The following TENM4 variants were observed in gnomAD, a reference collection of about 807,000 sequenced individuals.
TENM4 encodes the protein teneurin-4.
In TENM4, 82 loss-of-function variants were observed where a neutral mutation model predicts 243.3. That is an observed-to-expected ratio of 0.34 (90% CI 0.28 to 0.40). TENM4 has a LOEUF of 0.40. Ranked by LOEUF, TENM4 falls within the 10% of genes least tolerant of loss-of-function variation. TENM4 has a pLI of 1.00. For synonymous variants in TENM4, 1,412 were observed against 1,456.3 expected (o/e 0.97, Z 0.69); for missense variants, 3,138 against 3,673.3 (o/e 0.85, Z 3.77).
At chr11:79,062,847 G>A (rs1403602097) in intron 6 of TENM4, among the ~76,000 whole-genome samples, 1 of 152,144 alleles carries the variant, frequency 6.6e-6, no homozygotes, top group Non-Finnish European at 1.5e-5. Flanking sequence ...TAATGCTCAA[G>A]TTCAGTGCGT....
At chr11:78,899,810 G>A (rs1433895075) in intron 7 of TENM4, among the ~76,000 whole-genome samples, 1 of 152,006 alleles carries the variant, frequency 6.6e-6, no homozygotes, top group Non-Finnish European at 1.5e-5. Context: ...TTTACTTTCT[G>A]CCATGAGTGG....
At chr11:79,157,607 CCTT>C (rs1862650512) in intron 3 of TENM4, among the ~76,000 whole-genome samples, 1 of 152,140 alleles carries the variant, frequency 6.6e-6, no homozygotes, top group Non-Finnish European at 1.5e-5. Flanking sequence ...TGTGCATTGT[CCTT>C]CTATTCCTCC....
At chr11:79,244,267 G>C (rs1343618732) in intron 2 of TENM4, among the ~76,000 whole-genome samples, 1 of 152,224 alleles carries the variant, frequency 6.6e-6, no homozygotes, top group Non-Finnish European at 1.5e-5. Flanking sequence ...TCCACCGGGG[G>C]TGAGCAGGGA....
intron 28 of TENM4, among the ~76,000 whole-genome samples, chr11:78,690,832 T>A (rs1858800812): frequency 6.6e-6 from 1 of 152,224 alleles, no homozygotes; most frequent in African/African-American, 2.4e-5. Flanking sequence ...ATGGGGATGC[T>A]GTTCTAGGCT....
At chr11:79,191,977 C>G (rs1863513355) in intron 3 of TENM4, among the ~76,000 whole-genome samples, 1 of 151,878 alleles carries the variant, frequency 6.6e-6, no homozygotes, top group Non-Finnish European at 1.5e-5. Flanking sequence ...GCCAGCCGCC[C>G]CGTCGGGGAG....
At chr11:79,054,464 T>C (rs1165885397) in intron 6 of TENM4, among the ~76,000 whole-genome samples, 1 of 152,048 alleles carries the variant, frequency 6.6e-6, no homozygotes, top group Non-Finnish European at 1.5e-5. Flanking sequence ...AGGAAGGGAA[T>C]TAACATTCAC....
intron 2 of TENM4, among the ~76,000 whole-genome samples, chr11:79,252,436 A>G (rs1403646015): frequency 6.6e-6 from 1 of 152,064 alleles, no homozygotes; most frequent in Non-Finnish European, 1.5e-5. Context: ...ATGGGGTTTC[A>G]CTATGTTGAT....
chr11:78,780,056 T>G (rs1856811737), intron 16 of TENM4, among the ~76,000 whole-genome samples: 1 of 152,310 alleles, frequency 6.6e-6, no homozygotes, highest in Admixed American at 6.5e-5. Flanking sequence ...TAACTGAGGC[T>G]ACATGCTTTT....
intron 2 of TENM4, among the ~76,000 whole-genome samples, chr11:79,278,623 G>T (rs1003669110): frequency 6.6e-6 from 1 of 152,154 alleles, no homozygotes; most frequent in South Asian, 2.1e-4. Flanking sequence ...CATCTTTGTT[G>T]TATTTTATTG....
At chr11:79,333,456 G>A (rs932919736) in intron 1 of TENM4, among the ~76,000 whole-genome samples, 3 of 152,136 alleles carry the variant, frequency 2.0e-5, no homozygotes, top group East Asian at 1.9e-4. Flanking sequence ...ATGAACATGT[G>A]TCAACATCCC....
At chr11:78,912,632 G>C (rs946737847) in intron 6 of TENM4, among the ~76,000 whole-genome samples, 5 of 152,198 alleles carry the variant, frequency 3.3e-5, no homozygotes, top group African/African-American at 9.7e-5. Flanking sequence ...ATGCACATGA[G>C]GTTCCTCAAC....
chr11:79,162,239 A>G (rs1862762824), intron 3 of TENM4, among the ~76,000 whole-genome samples: 1 of 152,174 alleles, frequency 6.6e-6, no homozygotes, highest in African/African-American at 2.4e-5. Flanking sequence ...CTGGCATTAA[A>G]TCCTAGTCTT....
chr11:79,121,551 C>T (rs935933504), intron 4 of TENM4, among the ~76,000 whole-genome samples: 5 of 152,186 alleles, frequency 3.3e-5, no homozygotes, highest in African/African-American at 7.2e-5. Context: ...TTCCCTGGCC[C>T]ACACAAGACT....
chr11:79,077,308 C>A (rs1860556930), intron 4 of TENM4, among the ~76,000 whole-genome samples: 1 of 152,130 alleles, frequency 6.6e-6, no homozygotes. Flanking sequence ...ACACCCAGGC[C>A]AAGGTGGGTC....
intron 12 of TENM4, among the ~76,000 whole-genome samples, chr11:78,826,157 G>T (rs1040603214): frequency 7.7e-6 from 1 of 130,684 alleles, no homozygotes; most frequent in Non-Finnish European, 1.5e-5. Context: ...ACACAATGTT[G>T]GCTCACTGCA....
intron 16 of TENM4, among the ~76,000 whole-genome samples, chr11:78,786,617 C>T (rs1263753869): frequency 1.3e-5 from 2 of 152,238 alleles, no homozygotes; most frequent in African/African-American, 2.4e-5. Flanking sequence ...GACACAGATC[C>T]ATACCGCATG....
At chr11:79,439,163 G>C (rs1859343070) in intron 1 of TENM4, 1 of 145,646 alleles carries the variant, frequency 6.9e-6, no homozygotes, top group Non-Finnish European at 1.5e-5. Flanking sequence ...TCCCGAGCTT[G>C]CCCCACCACC....
At chr11:78,705,048 G>A (rs1314007472) in intron 27 of TENM4, among the ~76,000 whole-genome samples, 1 of 152,184 alleles carries the variant, frequency 6.6e-6, no homozygotes, top group African/African-American at 2.4e-5. Flanking sequence ...CACTCCCCTC[G>A]CTCTCTGGGC....
chr11:78,723,072 G>A (rs1473482841), intron 23 of TENM4, among the ~76,000 whole-genome samples, 155 bp from the exon 24 acceptor site: 4 of 152,188 alleles, frequency 2.6e-5, no homozygotes, highest in Non-Finnish European at 5.9e-5. Context: ...CCCCCCCAAT[G>A]GAACCCAGAT....
Sources: gnomAD v4.1 joint callset for allele counts (sites outside exome capture counted in the v4.1 genomes callset) on GRCh38, gnomAD v4.1.1 for gene constraint, MANE v1.5 for transcripts, NCBI Gene and HGNC (gene_info 2026-07-23, HGNC 2026-07-21) for gene names.